KDM7A: variants seen among roughly 807,000 people sequenced by gnomAD.
The protein encoded by KDM7A is lysine demethylase 7A, also known as lysine-specific demethylase 7A.
Under a neutral mutation model 114.8 loss-of-function variants are expected in KDM7A, and 28 were observed. The observed-to-expected ratio is 0.24, with a 90% CI of 0.18 to 0.33. The LOEUF (loss-of-function observed/expected upper bound fraction) is 0.33, where lower values mean the gene tolerates loss of function less well. Among genes scored for constraint, KDM7A ranks in the 10% least tolerant of loss-of-function variants. The pLI, the probability that KDM7A is intolerant of heterozygous loss-of-function variation, is 1.00. For missense variants in KDM7A, 942 were observed against 1,142.5 expected, an observed-to-expected ratio of 0.82 and a Z score of 2.53; for synonymous variants, 423 against 397.8, an observed-to-expected ratio of 1.06 and a Z score of -0.75.
intron 12 of KDM7A, among the ~76,000 whole-genome samples, chr7:140,100,699 T>TATACACAC (rs1818196931): frequency 2.8e-5 from 1 of 35,242 alleles, no homozygotes; most frequent in African/African-American, 8.6e-5. Flanking sequence ...CATATATATA[T>TATACACAC]ATATATATAC....
intron 19 of KDM7A, 68 bp from the exon 20 acceptor site, chr7:140,091,256 A>G: frequency 9.5e-7 from 1 of 1,052,254 alleles, no homozygotes; most frequent in Non-Finnish European, 1.5e-6. Context: ...CTGGAAGACT[A>G]CGGGGAGAGC....
intron 1 of KDM7A, among the ~76,000 whole-genome samples, chr7:140,172,652 CAA>C (rs796729282): frequency 7.6e-6 from 1 of 132,000 alleles, no homozygotes. Context: ...AACTCCGTCT[CAA>C]AAAAAAAAAA....
chr7:140,113,289 TAAAG>T (rs1417319586), intron 10 of KDM7A, among the ~76,000 whole-genome samples, 198 bp downstream of exon 10: 2 of 152,240 alleles, frequency 1.3e-5, no homozygotes, highest in Non-Finnish European at 2.9e-5. Context: ...GATTGAAGAT[TAAAG>T]AAATAAATAC....
chr7:140,164,922 A>G (rs992569761), intron 1 of KDM7A, among the ~76,000 whole-genome samples: 1 of 152,208 alleles, frequency 6.6e-6, no homozygotes, highest in Non-Finnish European at 1.5e-5. Flanking sequence ...TTTAAGAAAA[A>G]TTAAAAGTCA....
chr7:140,169,248 A>T (rs1013376265), intron 1 of KDM7A, among the ~76,000 whole-genome samples: 1 of 152,236 alleles, frequency 6.6e-6, no homozygotes, highest in Admixed American at 6.5e-5. Context: ...GTAATTTTCA[A>T]AAAAGACCAG....
At chr7:140,100,059 C>T in intron 12 of KDM7A, 36 bp from the exon 13 acceptor site, 1 of 1,612,244 alleles carries the variant, frequency 6.2e-7, no homozygotes, top group Non-Finnish European at 8.5e-7. Flanking sequence ...TTACCATCCA[C>T]CCTCAGGTAG....
intron 9 of KDM7A, among the ~76,000 whole-genome samples, chr7:140,114,691 C>T (rs1423753300): frequency 6.6e-6 from 1 of 151,992 alleles, no homozygotes; most frequent in Non-Finnish European, 1.5e-5. Flanking sequence ...AGAAGCGCCT[C>T]TTCCCGGCTG....
chr7:140,098,739 T>C, intron 14 of KDM7A, 140 bp downstream of exon 14: 1 of 705,472 alleles, frequency 1.4e-6, no homozygotes, highest in Non-Finnish European at 2.4e-6. Flanking sequence ...CTCTCATACT[T>C]CAGATTTTTC....
In KDM7A at chr7:140,156,859, G is replaced by C. The variant is rs1050700858; in HGVS notation, c.195-17669C>G. Among the ~76,000 whole-genome samples the C allele has an allele frequency of 3.3e-5, 5 of 152,194 alleles. No homozygotes were observed. The East Asian group carries it at 5.8e-4, about 18-fold the overall frequency. On this transcript the variant is annotated intron_variant, in intron 1 of 19. Transcript: ENST00000397560. ...GGGATCCGGGTGGGGCTCCCACAGAGCCTGCTGCATATGTACAAGCCTAGT... is the reference window on the plus strand; with the variant it reads ...GGGATCCGGGTGGGGCTCCCACAGACCCTGCTGCATATGTACAAGCCTAGT...
intron 11 of KDM7A, among the ~76,000 whole-genome samples, chr7:140,108,851 T>C (rs1818386645): frequency 6.6e-6 from 1 of 152,226 alleles, no homozygotes; most frequent in Admixed American, 6.5e-5. Flanking sequence ...TTTGTTCAGC[T>C]ATGCCCTGCC....
At chr7:140,143,126 G>A (rs570412073) in intron 1 of KDM7A, among the ~76,000 whole-genome samples, 2 of 148,870 alleles carry the variant, frequency 1.3e-5, no homozygotes, top group South Asian at 4.3e-4. Context: ...CTTGCAGTGA[G>A]CCGAGATGGT....
intron 1 of KDM7A, among the ~76,000 whole-genome samples, chr7:140,171,573 A>ATTTT (rs35182288): frequency 1.8e-4 from 26 of 144,586 alleles, no homozygotes; most frequent in African/African-American, 6.3e-4. Context: ...ATATATTTAT[A>ATTTT]TATATATATT....
intron 1 of KDM7A, among the ~76,000 whole-genome samples, chr7:140,147,970 T>C (rs1324129444): frequency 2.0e-5 from 3 of 152,184 alleles, no homozygotes; most frequent in Non-Finnish European, 2.9e-5. Context: ...TGTCAGTATG[T>C]AAAGCATGGG....
chr7:140,145,473 T>C (rs922590592), intron 1 of KDM7A, among the ~76,000 whole-genome samples: 2 of 152,174 alleles, frequency 1.3e-5, no homozygotes, highest in Non-Finnish European at 2.9e-5. Flanking sequence ...CGAGGTAGCA[T>C]CATCTATAAC....
chr7:140,165,971 GC>G (rs1487717406), intron 1 of KDM7A, among the ~76,000 whole-genome samples: 1 of 152,152 alleles, frequency 6.6e-6, no homozygotes, highest in Non-Finnish European at 1.5e-5. Flanking sequence ...AAAAGTTACA[GC>G]CACACTGTAT....
At chr7:140,113,674 A>G in intron 9 of KDM7A, 92 bp from the exon 10 acceptor site, 1 of 548,908 alleles carries the variant, frequency 1.8e-6, no homozygotes, top group Non-Finnish European at 3.3e-6. Context: ...GCCACCAAAT[A>G]TAAAACTATA....
In KDM7A at chr7:140,126,784, T is replaced by A; in HGVS notation, c.741A>T (p.Lys247Asn). The A allele has an allele frequency of 6.2e-7, 1 of 1,613,848 alleles. No individual in the cohort carries two copies. Among genetic ancestry groups the A allele is most frequent in the South Asian group, 1.1e-5 (1 of 91,046 alleles). Residue 247 changes from lysine (K) to asparagine (N), a missense_variant, in exon 6 of 20, where the codon AAA becomes AAT. Transcript: ENST00000397560. ...ELVEVPDIAKKLSWVENYWPD... is the reference protein window; with the variant it reads ...ELVEVPDIAKNLSWVENYWPD... ...GCCAATAATTTTCCACCCAGGAAAG[T>A]TTTTTGGCTATATCAGGGACCTCCA... is the stretch of plus-strand genomic sequence containing the variant.
At chr7:140,098,580 G>T (rs904112768) in intron 14 of KDM7A, among the ~76,000 whole-genome samples, 1 of 152,160 alleles carries the variant, frequency 6.6e-6, no homozygotes, top group African/African-American at 2.4e-5. Flanking sequence ...ATTTTGGGGA[G>T]TAGAGGCCTA....
intron 10 of KDM7A, 49 bp downstream of exon 10, chr7:140,113,442 C>T (rs1818465118): frequency 1.8e-6 from 2 of 1,109,274 alleles, no homozygotes; most frequent in Non-Finnish European, 2.7e-6. Flanking sequence ...CTCTGTTTTC[C>T]TAATCTTGTG....
Sources: allele counts gnomAD v4.1 joint callset (sites outside exome capture counted in the v4.1 genomes callset), GRCh38; gene constraint gnomAD v4.1.1; transcripts MANE v1.5; gene names NCBI Gene and HGNC (gene_info 2026-07-23, HGNC 2026-07-21).